TRAF3: variants seen among roughly 807,000 people sequenced by gnomAD.
The protein encoded by TRAF3 is TNF receptor-associated factor 3.
In TRAF3, 13 loss-of-function variants were observed where a neutral mutation model predicts 62.3. The observed-to-expected ratio is 0.21, with a 90% CI of 0.14 to 0.33. TRAF3 has a LOEUF of 0.33. TRAF3 is among the 10% of genes least tolerant of loss of function. TRAF3 has a pLI of 1.00. For missense variants in TRAF3, 440 were observed against 741.8 expected, an observed-to-expected ratio of 0.59 and a Z score of 4.73; for synonymous variants, 269 against 283.4, an observed-to-expected ratio of 0.95 and a Z score of 0.51.
At chr14:102,829,724 G>A (rs180699667) in intron 1 of TRAF3, among the ~76,000 whole-genome samples, 209 of 152,322 alleles carry the variant, frequency 1.4e-3, no homozygotes, top group African/African-American at 4.8e-3. Flanking sequence ...TGGTTTTGGG[G>A]AGGGAGGCCC....
At chr14:102,883,616 C>G (rs1889193173) in intron 6 of TRAF3, among the ~76,000 whole-genome samples, 1 of 151,902 alleles carries the variant, frequency 6.6e-6, no homozygotes, top group Non-Finnish European at 1.5e-5. Context: ...GGCAGTGTCT[C>G]ACTCTGCCGC....
Position 102,903,829 on chromosome 14 carries a change from G to A in TRAF3, c.1135+400G>A, listed in dbSNP as rs1430948343. Reference sequence around the variant, plus strand: ...GGCCAGGGGGCAGCAGTCCCACCGCGCTCTGCCAGCATGTTTCTGATCCAC... The same window carrying A: ...GGCCAGGGGGCAGCAGTCCCACCGCACTCTGCCAGCATGTTTCTGATCCAC... On this transcript the variant is annotated intron_variant, in intron 11 of 11. Transcript: ENST00000392745. The surrounding 1 kb of genome is among the most constrained non-coding windows in gnomAD (Gnocchi z 6.4). 4.3e-6 allele frequency: 2 copies of A among 465,350 alleles called. No individual in the cohort carries two copies. Among genetic ancestry groups the A allele is most frequent in the South Asian group, 1.5e-5 (1 of 64,576 alleles). The allele number at this position is 465,350 out of a possible 1,614,324, so 28.8% of individuals were successfully genotyped here.
At position 102,794,249 on chromosome 14, in the gene TRAF3, A is replaced by G. The variant is rs531540406; in HGVS notation, c.-157+16574A>G. Among the ~76,000 whole-genome samples the G allele has an allele frequency of 5.9e-5, 9 of 152,174 alleles. No homozygotes were observed. The East Asian group carries it at 1.7e-3, about 29-fold the overall frequency. The stretch of plus-strand genomic sequence containing the variant: ...GAGTACAGTGGTACCATCATAGCTC[A>G]CTGCAGCCTCAAACGCCTGGGCAGA... On this transcript the variant is annotated intron_variant, in intron 1 of 11. Coordinates refer to ENST00000392745, the MANE Select transcript of TRAF3 (RefSeq NM_145725.3).
intron 1 of TRAF3, among the ~76,000 whole-genome samples, chr14:102,787,812 T>C (rs1897581122): frequency 6.9e-6 from 1 of 144,342 alleles, no homozygotes; most frequent in Non-Finnish European, 1.5e-5. Flanking sequence ...CTTGCCTTGC[T>C]TTTTTTTTTT....
chr14:102,793,692 T>C (rs1247765039), intron 1 of TRAF3, among the ~76,000 whole-genome samples: 1 of 152,202 alleles, frequency 6.6e-6, no homozygotes, highest in Non-Finnish European at 1.5e-5. Context: ...TCATGGCTGA[T>C]AGCACACCAC....
At chr14:102,789,812 A>G (rs1309962814) in intron 1 of TRAF3, among the ~76,000 whole-genome samples, 3 of 151,574 alleles carry the variant, frequency 2.0e-5, no homozygotes, top group Non-Finnish European at 2.9e-5. Flanking sequence ...CTGAATGTTA[A>G]ACTTTTTTTT....
chr14:102,885,408 G>A (rs542974164), intron 6 of TRAF3, among the ~76,000 whole-genome samples: 33 of 152,194 alleles, frequency 2.2e-4, no homozygotes, highest in Non-Finnish European at 4.3e-4. Flanking sequence ...AGCAGGGACT[G>A]TTCAGCGTGG....
At chr14:102,806,467 T>C (rs560398609) in intron 1 of TRAF3, among the ~76,000 whole-genome samples, 1 of 152,294 alleles carries the variant, frequency 6.6e-6, no homozygotes, top group Admixed American at 6.5e-5. Flanking sequence ...GTAGATACCA[T>C]TAGAAAAATA....
intron 1 of TRAF3, among the ~76,000 whole-genome samples, chr14:102,825,507 G>T (rs545269623): frequency 6.6e-6 from 1 of 152,364 alleles, no homozygotes; most frequent in African/African-American, 2.4e-5. Context: ...CAGCTGTGGG[G>T]CCCTCCTCTG....
At chr14:102,856,740 G>A (rs1244839190) in intron 2 of TRAF3, among the ~76,000 whole-genome samples, 1 of 151,952 alleles carries the variant, frequency 6.6e-6, no homozygotes, top group Non-Finnish European at 1.5e-5. Context: ...CCCTTTTACA[G>A]CAGAACCCTT....
chr14:102,777,918 C>A (rs1177446691), intron 1 of TRAF3, among the ~76,000 whole-genome samples: 1 of 149,722 alleles, frequency 6.7e-6, no homozygotes, highest in South Asian at 2.1e-4. Flanking sequence ...AAACTTTGTC[C>A]CGGAGGCCGG....
intron 6 of TRAF3, among the ~76,000 whole-genome samples, chr14:102,883,104 A>G (rs1173488216): frequency 2.0e-5 from 3 of 152,190 alleles, no homozygotes; most frequent in Non-Finnish European, 4.4e-5. Context: ...CTTCTCCTGG[A>G]TGTGTAGGAG....
At chr14:102,840,001 T>G (rs1886281566) in intron 2 of TRAF3, among the ~76,000 whole-genome samples, 1 of 152,176 alleles carries the variant, frequency 6.6e-6, no homozygotes, top group Non-Finnish European at 1.5e-5. Flanking sequence ...TAATTCTACT[T>G]AGTAAGAAAG....
rs145450617 is a variant in TRAF3 at position 102,868,412 on chromosome 14, A to C, written c.-17-1773A>C. 3.7e-3 allele frequency among the ~76,000 whole-genome samples: 556 copies of C among 152,226 alleles called. 4 individuals carry two copies. Among genetic ancestry groups the C allele is most frequent in the African/African-American group, 0.012 (510 of 41,540 alleles). ...GCCACTCCCTTCCTTACCAAGGTAC[A>C]TGGGAGTACAGGGCTGGCCAGGGGC... On this transcript the variant is annotated intron_variant, in intron 2 of 11. Transcript: ENST00000392745.
At chr14:102,783,112 T>G (rs1450396541) in intron 1 of TRAF3, among the ~76,000 whole-genome samples, 2 of 152,168 alleles carry the variant, frequency 1.3e-5, no homozygotes, top group Non-Finnish European at 2.9e-5. Flanking sequence ...CATGGTAAGC[T>G]CTGGGTCAGT....
In TRAF3 at chr14:102,854,482, C is replaced by CT. The variant is rs1162828681; in HGVS notation, c.-17-15702dup. Reference sequence around the variant, plus strand: ...TTTAAAATTTTAGCCATCCAAGTGACTAAGTGGTTATAGTAGGTTTTGGTT... The same window carrying CT: ...TTTAAAATTTTAGCCATCCAAGTGACTTAAGTGGTTATAGTAGGTTTTGGTT... On this transcript the variant is annotated intron_variant, in intron 2 of 11. Coordinates refer to ENST00000392745, the MANE Select transcript of TRAF3 (RefSeq NM_145725.3). Among the ~76,000 whole-genome samples the CT allele has an allele frequency of 3.9e-5, 6 of 152,308 alleles. No individual in the cohort carries two copies. The East Asian group carries it at 9.7e-4, about 25-fold the overall frequency.
At chr14:102,779,842 GTGATCTAACCTATCAAGTATTATGCAA>G (rs1740736414) in intron 1 of TRAF3, among the ~76,000 whole-genome samples, 1 of 152,216 alleles carries the variant, frequency 6.6e-6, no homozygotes, top group African/African-American at 2.4e-5. Flanking sequence ...CAAACAGCAA[GTGATCTAACCTATCAAGTATTATGCAA>G]TAGCTGAATT....
chr14:102,903,763 C>T lies in TRAF3; in HGVS notation c.1135+334C>T. 1 of 504,808 alleles carries T rather than the reference C, an allele frequency of 2.0e-6. No individual in the cohort carries two copies. Among genetic ancestry groups the T allele is most frequent in the African/African-American group, 1.9e-5 (1 of 52,138 alleles). 31.3% of individuals were successfully genotyped at this position (504,808 alleles called of 1,614,324 possible). ...AGGCCCAAGCGCAGATGGCAGAGGCCAGGACCTGCTGGTCGGGGCGCCCCA... is the reference window on the plus strand; with the variant it reads ...AGGCCCAAGCGCAGATGGCAGAGGCTAGGACCTGCTGGTCGGGGCGCCCCA... On this transcript the variant is annotated intron_variant, in intron 11 of 11. Coordinates refer to ENST00000392745, the MANE Select transcript of TRAF3 (RefSeq NM_145725.3). The surrounding 1 kb of genome is among the most constrained non-coding windows in gnomAD (Gnocchi z 6.4).
At chr14:102,778,398 C>T (rs187663223) in intron 1 of TRAF3, among the ~76,000 whole-genome samples, 1 of 152,124 alleles carries the variant, frequency 6.6e-6, no homozygotes, top group Admixed American at 6.5e-5. Flanking sequence ...GGAGATAATT[C>T]TGTGTGGAAA....
Sources: allele counts gnomAD v4.1 joint callset (sites outside exome capture counted in the v4.1 genomes callset), GRCh38; gene constraint gnomAD v4.1.1; non-coding constraint Gnocchi (gnomAD v3.1); transcripts MANE v1.5; gene names NCBI Gene and HGNC (gene_info 2026-07-23, HGNC 2026-07-21).